NRG3: variants seen among roughly 807,000 people sequenced by gnomAD.
The protein encoded by NRG3 is neuregulin 3.
Under a neutral mutation model 66.9 loss-of-function variants are expected in NRG3, and 31 were observed. That is an observed-to-expected ratio of 0.46 (90% confidence interval 0.35 to 0.63). The LOEUF (loss-of-function observed/expected upper bound fraction) is 0.63, where lower values mean the gene tolerates loss of function less well. Ranked by LOEUF, NRG3 falls within the 20% of genes least tolerant of loss-of-function variation. The pLI is 0.00. For synonymous variants in NRG3, 393 were observed against 359.4 expected (o/e 1.09, Z -1.06); for missense variants, 910 against 878.9 (o/e 1.04, Z -0.45).
chr10:82,020,206 A>G (rs2061997416), intron 1 of NRG3, among the ~76,000 whole-genome samples: 3 of 152,184 alleles, frequency 2.0e-5, no homozygotes, highest in Non-Finnish European at 2.9e-5. Flanking sequence ...TACTGTGTCA[A>G]TCAGAACAGA....
chr10:82,569,661 T>G (rs2045612044), intron 2 of NRG3, among the ~76,000 whole-genome samples: 1 of 151,728 alleles, frequency 6.6e-6, no homozygotes, highest in Non-Finnish European at 1.5e-5. Context: ...GTTTTCTGCC[T>G]ATGTCTCCTT....
At chr10:82,452,822 C>T (rs2091079884) in intron 2 of NRG3, among the ~76,000 whole-genome samples, 1 of 151,118 alleles carries the variant, frequency 6.6e-6, no homozygotes, top group Non-Finnish European at 1.5e-5. Flanking sequence ...GAGTATTTGC[C>T]CAACATCCAT....
intron 2 of NRG3, among the ~76,000 whole-genome samples, chr10:82,641,437 A>AT (rs2050574475): frequency 6.6e-6 from 1 of 152,142 alleles, no homozygotes; most frequent in Admixed American, 6.6e-5. Flanking sequence ...TTGCAATGCT[A>AT]TTTTTTCACT....
chr10:82,484,046 A>G (rs1028958992), intron 2 of NRG3, among the ~76,000 whole-genome samples: 1 of 152,352 alleles, frequency 6.6e-6, no homozygotes, highest in African/African-American at 2.4e-5. Context: ...TGAATCTGTA[A>G]ACAGACACGC....
chr10:82,856,742 T>TC (rs2063825290), intron 3 of NRG3, among the ~76,000 whole-genome samples: 1 of 28,652 alleles, frequency 3.5e-5, no homozygotes, highest in Non-Finnish European at 5.3e-5. Context: ...AGACTCTGTC[T>TC]CAAAAAAAAA....
intron 1 of NRG3, among the ~76,000 whole-genome samples, chr10:82,152,496 A>G (rs1257242929): frequency 6.6e-6 from 1 of 152,052 alleles, no homozygotes; most frequent in Non-Finnish European, 1.5e-5. Context: ...TCGTGTTCTC[A>G]GTTCTGAACT....
intron 1 of NRG3, among the ~76,000 whole-genome samples, chr10:81,944,586 G>A (rs900159999): frequency 5.9e-5 from 9 of 152,168 alleles, no homozygotes; most frequent in African/African-American, 1.7e-4. Flanking sequence ...GATTGGTATA[G>A]GTTAGTAAGT....
At chr10:82,420,352 T>C (rs887052276) in intron 2 of NRG3, among the ~76,000 whole-genome samples, 3 of 152,162 alleles carry the variant, frequency 2.0e-5, no homozygotes, top group African/African-American at 7.2e-5. Context: ...AGTTACAGAA[T>C]ATATAACTAC....
intron 1 of NRG3, among the ~76,000 whole-genome samples, chr10:82,040,393 G>T (rs946516141): frequency 7.8e-6 from 1 of 128,536 alleles, no homozygotes. Context: ...ATACATATAT[G>T]TTATATATAC....
At chr10:82,635,581 A>T (rs1277456415) in intron 2 of NRG3, among the ~76,000 whole-genome samples, 1 of 152,096 alleles carries the variant, frequency 6.6e-6, no homozygotes, top group Non-Finnish European at 1.5e-5. Context: ...TCTCATAGAC[A>T]AAAGGGTTTA....
rs961240376 is a variant in NRG3, at chr10:81,875,355, G to T, written c.15G>T (p.Ala5=). Residue 5 remains alanine, a synonymous_variant, in exon 1 of 9, where the codon GCG becomes GCT. Coordinates refer to ENST00000372141, the MANE Select transcript of NRG3 (RefSeq NM_001010848.4). This position sits in a 1 kb window ranked among gnomAD's most constrained non-coding sequence, Gnocchi z 5.3. MSEG[A]AAASPPGAAS... ...CGGCTCCTAGGATGAGTGAAGGGGCGGCCGCTGCCTCGCCACCTGGTGCCG... is the reference window on the plus strand; with the variant it reads ...CGGCTCCTAGGATGAGTGAAGGGGCTGCCGCTGCCTCGCCACCTGGTGCCG... The T allele has an allele frequency of 4.0e-6, 4 of 989,752 alleles. No individual in the cohort carries two copies. Among genetic ancestry groups the T allele is most frequent in the Non-Finnish European group, 4.8e-6 (4 of 834,342 alleles). The allele number at this position is 989,752 out of a possible 1,614,324, so 61.3% of individuals were successfully genotyped here.
intron 1 of NRG3, among the ~76,000 whole-genome samples, chr10:81,920,687 AT>A (rs1288917329): frequency 3.3e-5 from 5 of 152,192 alleles, no homozygotes; most frequent in Non-Finnish European, 5.9e-5. Context: ...ATACTTCCAA[AT>A]TTATAATATT....
intron 1 of NRG3, among the ~76,000 whole-genome samples, chr10:81,975,314 C>CATCT (rs140419592): frequency 0.045 from 6,506 of 143,778 alleles, 146 homozygotes; most frequent in East Asian, 0.072. Flanking sequence ...AATTGTGTAA[C>CATCT]ATCTATCTAT....
At chr10:82,530,368 C>A in intron 2 of NRG3, among the ~76,000 whole-genome samples, 1 of 152,042 alleles carries the variant, frequency 6.6e-6, no homozygotes, top group African/African-American at 2.4e-5. Context: ...TCAAAATTTA[C>A]AAATATGTTT....
At chr10:82,152,618 A>T (rs2070841740) in intron 1 of NRG3, among the ~76,000 whole-genome samples, 1 of 152,008 alleles carries the variant, frequency 6.6e-6, no homozygotes, top group Admixed American at 6.6e-5. Flanking sequence ...TGTACCACTC[A>T]CTATATTTGG....
intron 2 of NRG3, among the ~76,000 whole-genome samples, chr10:82,415,951 TGTC>T (rs2088532552): frequency 6.6e-6 from 1 of 152,178 alleles, no homozygotes; most frequent in Admixed American, 6.6e-5. Context: ...TTCAGATAAT[TGTC>T]AGTGCAATGC....
At chr10:82,404,249 C>T (rs1419722841) in intron 2 of NRG3, among the ~76,000 whole-genome samples, 3 of 152,132 alleles carry the variant, frequency 2.0e-5, no homozygotes, top group African/African-American at 7.2e-5. Flanking sequence ...CTCACCCCTT[C>T]GGGATGGTTT....
intron 2 of NRG3, among the ~76,000 whole-genome samples, chr10:82,408,632 A>ATT (rs34342938): frequency 2.3e-5 from 3 of 129,382 alleles, no homozygotes; most frequent in Admixed American, 7.2e-5. Context: ...TCATATATAT[A>ATT]TTATATATAT....
chr10:82,244,295 A>G (rs1231227308), intron 1 of NRG3, among the ~76,000 whole-genome samples: 2 of 152,182 alleles, frequency 1.3e-5, no homozygotes, highest in Non-Finnish European at 2.9e-5. Flanking sequence ...ACCTTAATCT[A>G]CCAGTTAAAT....
Sources: gnomAD v4.1 joint callset for allele counts (sites outside exome capture counted in the v4.1 genomes callset) on GRCh38, gnomAD v4.1.1 for gene constraint, Gnocchi (gnomAD v3.1) non-coding constraint, MANE v1.5 for transcripts, NCBI Gene and HGNC (gene_info 2026-07-23, HGNC 2026-07-21) for gene names.